The following SYT1 variants were observed in gnomAD, a reference collection of about 807,000 sequenced individuals.
SYT1 encodes synaptotagmin-1.
Under a neutral mutation model 44.8 loss-of-function variants are expected in SYT1, and 8 were observed. The ratio of observed to expected loss-of-function variants is 0.18; its 90% CI spans 0.10 to 0.32. The LOEUF (loss-of-function observed/expected upper bound fraction) is 0.32. SYT1 is among the 10% of genes least tolerant of loss of function. The pLI, the probability that SYT1 is intolerant of heterozygous loss-of-function variation, is 1.00. For missense variants in SYT1, 286 were observed against 509.3 expected (o/e 0.56, Z 4.22); for synonymous variants, 154 against 188.8 (o/e 0.82, Z 1.51).
intron 1 of SYT1, among the ~76,000 whole-genome samples, chr12:78,904,024 G>C (rs1038351571): frequency 1.3e-5 from 2 of 151,786 alleles, no homozygotes; most frequent in Non-Finnish European, 2.9e-5. Context: ...AGTAACTACT[G>C]TATTCAGTAA....
At chr12:79,440,567 G>C (rs1870352867) in intron 9 of SYT1, among the ~76,000 whole-genome samples, 1 of 152,176 alleles carries the variant, frequency 6.6e-6, no homozygotes, top group Admixed American at 6.5e-5. Flanking sequence ...TTGTCCAGCA[G>C]CTGTACTCAG....
intron 1 of SYT1, among the ~76,000 whole-genome samples, chr12:78,879,429 CAGATCTATTT>C (rs544872575): frequency 2.7e-4 from 41 of 151,858 alleles, no homozygotes; most frequent in Non-Finnish European, 5.8e-4. Context: ...ACCTACATGG[CAGATCTATTT>C]AGAAGCCTGA....
chr12:79,089,487 G>A (rs993615702), intron 3 of SYT1, among the ~76,000 whole-genome samples: 2 of 144,316 alleles, frequency 1.4e-5, no homozygotes, highest in African/African-American at 5.1e-5. Flanking sequence ...ATCACTTGTG[G>A]AAGTCAACTG....
intron 9 of SYT1, among the ~76,000 whole-genome samples, chr12:79,391,298 T>A (rs1420386085): frequency 1.3e-5 from 2 of 152,200 alleles, no homozygotes; most frequent in Admixed American, 6.5e-5. Flanking sequence ...GTGGTTATTC[T>A]GATGCAAAGT....
In SYT1 at chr12:79,030,138, G is replaced by A. The variant is rs117947052; in HGVS notation, c.-83-17159G>A. 2.4e-3 allele frequency among the ~76,000 whole-genome samples: 357 copies of A among 151,062 alleles called. 3 individuals are homozygous for A. The highest frequency in any genetic ancestry group is 0.014 in the Middle Eastern group (4 of 294). On this transcript the variant is annotated intron_variant, in intron 2 of 10. Transcript: ENST00000261205. ...CAATATTTTATTTTATTCAAGTACT[G>A]TGACACATTAAATGAAACATTACCT...
At chr12:79,218,154 T>C in intron 4 of SYT1, among the ~76,000 whole-genome samples, 1 of 152,278 alleles carries the variant, frequency 6.6e-6, no homozygotes, top group East Asian at 1.9e-4. Context: ...GTTTCCTTAT[T>C]GTCATTAAAA....
At chr12:78,952,939 AG>A (rs1879039018) in intron 1 of SYT1, among the ~76,000 whole-genome samples, 1 of 152,144 alleles carries the variant, frequency 6.6e-6, no homozygotes, top group Non-Finnish European at 1.5e-5. Context: ...GATTAAAGAA[AG>A]GAAAAATTGA....
chr12:78,876,783 TATAATAC>T (rs1332404426), intron 1 of SYT1, among the ~76,000 whole-genome samples: 6 of 97,356 alleles, frequency 6.2e-5, no homozygotes, highest in African/African-American at 1.8e-4. Context: ...TTATATATTA[TATAATAC>T]ATATAATATA....
At position 79,163,280 on chromosome 12, in the gene SYT1, A is replaced by G. The variant is rs145872591; in HGVS notation, c.-17-54223A>G. The stretch of plus-strand genomic sequence containing the variant: ...GGAAATTCCTTTCTGGCAACTGTAA[A>G]CATATGTTTGATCATAGAGAACATT... On this transcript the variant is annotated intron_variant, in intron 3 of 10. Coordinates refer to ENST00000261205, the MANE Select transcript of SYT1 (RefSeq NM_005639.3). Among the ~76,000 whole-genome samples the G allele has an allele frequency of 3.8e-3, 581 of 152,168 alleles. 4 individuals carry two copies. Among genetic ancestry groups the G allele is most frequent in the Middle Eastern group, 0.037 (11 of 294 alleles).
At chr12:79,098,619 A>C (rs969457199) in intron 3 of SYT1, among the ~76,000 whole-genome samples, 18 of 152,146 alleles carry the variant, frequency 1.2e-4, no homozygotes, top group African/African-American at 4.3e-4. Flanking sequence ...TAAGAAAAAA[A>C]CATTTAATGT....
At chr12:79,374,367 C>T (rs1312263492) in intron 9 of SYT1, among the ~76,000 whole-genome samples, 5 of 152,010 alleles carry the variant, frequency 3.3e-5, no homozygotes, top group African/African-American at 1.2e-4. Context: ...CTTTCTCTTA[C>T]CAAAGAGAAA....
chr12:79,053,705 CAAT>C (rs1309147400), intron 3 of SYT1, among the ~76,000 whole-genome samples: 1 of 150,090 alleles, frequency 6.7e-6, no homozygotes, highest in African/African-American at 2.4e-5. Context: ...TTTAAACAAA[CAAT>C]AAGTATTATT....
intron 1 of SYT1, among the ~76,000 whole-genome samples, chr12:78,898,626 A>G (rs1371845236): frequency 6.6e-6 from 1 of 152,058 alleles, no homozygotes; most frequent in East Asian, 1.9e-4. Context: ...TTTTTCCCCT[A>G]GGACTGCATT....
chr12:79,426,886 C>T (rs1869483011), intron 9 of SYT1, among the ~76,000 whole-genome samples: 1 of 152,144 alleles, frequency 6.6e-6, no homozygotes, highest in Non-Finnish European at 1.5e-5. Context: ...GAGTTTCCCC[C>T]ATGCTGTCCT....
At chr12:79,071,452 C>A (rs1030831057) in intron 3 of SYT1, among the ~76,000 whole-genome samples, 3 of 152,126 alleles carry the variant, frequency 2.0e-5, no homozygotes, top group Admixed American at 6.6e-5. Context: ...CTTCTGTGGA[C>A]AATAAACACT....
intron 1 of SYT1, among the ~76,000 whole-genome samples, chr12:78,961,434 C>T (rs922797567): frequency 6.6e-6 from 1 of 151,988 alleles, no homozygotes; most frequent in South Asian, 2.1e-4. Context: ...ATAGTTCTTA[C>T]CCTCTTAAAT....
In SYT1 at chr12:79,104,111, A is replaced by G. The variant is rs543618790; in HGVS notation, c.-18+56749A>G. Among the ~76,000 whole-genome samples the G allele has an allele frequency of 2.6e-5, 4 of 151,902 alleles. No homozygotes were observed. In the South Asian group the frequency reaches 8.3e-4, roughly 32 times the overall value. ...GCAATACATTGCAATGTTATATGAT[A>G]TGTTATTATAAAAAAATTATGTTGA... is the stretch of plus-strand genomic sequence containing the variant. On this transcript the variant is annotated intron_variant, in intron 3 of 10. Coordinates refer to ENST00000261205, the MANE Select transcript of SYT1 (RefSeq NM_005639.3).
chr12:79,423,016 A>C (rs1490361104), intron 9 of SYT1, among the ~76,000 whole-genome samples: 1 of 152,110 alleles, frequency 6.6e-6, no homozygotes, highest in Admixed American at 6.6e-5. Context: ...AAGGATAGTC[A>C]TTTAGTTAGT....
intron 3 of SYT1, among the ~76,000 whole-genome samples, chr12:79,147,149 T>C (rs1869972100): frequency 6.6e-6 from 1 of 152,198 alleles, no homozygotes; most frequent in South Asian, 2.1e-4. Context: ...AGCATATATC[T>C]ACTTTAAAAA....
Sources: allele counts gnomAD v4.1 joint callset (sites outside exome capture counted in the v4.1 genomes callset), GRCh38; gene constraint gnomAD v4.1.1; transcripts MANE v1.5; gene names NCBI Gene and HGNC (gene_info 2026-07-23, HGNC 2026-07-21).